The following CSGALNACT1 variants were observed in gnomAD, a reference collection of about 807,000 sequenced individuals.
CSGALNACT1 encodes beta4GalNAcT-1.
A neutral mutation model predicts 51.0 loss-of-function variants in CSGALNACT1; 52 were observed. That is an observed-to-expected ratio of 1.02 (90% CI 0.82 to 1.29). The LOEUF (loss-of-function observed/expected upper bound fraction) is 1.29. Ranked by LOEUF, CSGALNACT1 falls within the 50% of genes most tolerant of loss-of-function variation. The pLI, the probability that CSGALNACT1 is intolerant of heterozygous loss-of-function variation, is 0.00. For missense variants in CSGALNACT1, 935 were observed against 679.2 expected (o/e 1.38, Z -4.19); for synonymous variants, 341 against 254.4 (o/e 1.34, Z -3.24).
chr8:19,588,305 G>A (rs561399890), intron 3 of CSGALNACT1, among the ~76,000 whole-genome samples: 1 of 152,176 alleles, frequency 6.6e-6, no homozygotes, highest in South Asian at 2.1e-4. Flanking sequence ...GTATTCAATT[G>A]GCAATGACAA....
intron 1 of CSGALNACT1, among the ~76,000 whole-genome samples, chr8:19,704,440 A>G (rs1277201285): frequency 6.6e-6 from 1 of 152,252 alleles, no homozygotes; most frequent in African/African-American, 2.4e-5. Flanking sequence ...GTTGTCGAGG[A>G]CTTGGAGAAA....
At chr8:19,682,480 C>T (rs192140590) in exon 1 of CSGALNACT1, 6 of 353,462 alleles carry the variant, frequency 1.7e-5, no homozygotes, top group Non-Finnish European at 2.3e-5. Context: ...CACCCACACA[C>T]GAGATCAAAA....
intron 4 of CSGALNACT1, among the ~76,000 whole-genome samples, chr8:19,478,533 A>C: frequency 6.6e-6 from 1 of 151,856 alleles, no homozygotes; most frequent in Admixed American, 6.6e-5. Flanking sequence ...CGTACAGCCC[A>C]GGTTGCAAAG....
exon 4 of CSGALNACT1, chr8:19,505,687 T>C (rs770097382): frequency 6.2e-7 from 1 of 1,614,156 alleles, no homozygotes; most frequent in Non-Finnish European, 8.5e-7. Flanking sequence ...CCCGTGGGGC[T>C]GTTGGCCCTG....
At position 19,704,820 on chromosome 8, in the gene CSGALNACT1, T is replaced by C. The variant is rs572297107; in HGVS notation, c.-297+53030A>G. Among the ~76,000 whole-genome samples the C allele has an allele frequency of 3.9e-5, 6 of 152,346 alleles. No individual in the cohort carries two copies. The South Asian group carries it at 1.0e-3, about 26-fold the overall frequency. On this transcript the variant is annotated intron_variant, in intron 1 of 1. Transcript: ENST00000517494. Reference sequence around the variant, plus strand: ...ACAAGGATGAACCTGGAGGACATTATGCTAAGTGAAACAACCTAGACATGG... The same window carrying C: ...ACAAGGATGAACCTGGAGGACATTACGCTAAGTGAAACAACCTAGACATGG...
intron 3 of CSGALNACT1, among the ~76,000 whole-genome samples, 191 bp from the exon 3 acceptor site, chr8:19,506,321 C>A (rs1330821335): frequency 6.6e-6 from 1 of 152,114 alleles, no homozygotes; most frequent in South Asian, 2.1e-4. Flanking sequence ...AAATAAGCAA[C>A]AAAGGACAGA....
chr8:19,636,132 T>C (rs961353944), intron 1 of CSGALNACT1, among the ~76,000 whole-genome samples: 7 of 152,028 alleles, frequency 4.6e-5, no homozygotes, highest in African/African-American at 1.7e-4. Flanking sequence ...CAGTTTCCAT[T>C]ACCTCAGGTT....
At chr8:19,508,625 T>G (rs373254473) in intron 3 of CSGALNACT1, among the ~76,000 whole-genome samples, 4 of 152,340 alleles carry the variant, frequency 2.6e-5, no homozygotes, top group South Asian at 4.1e-4. Flanking sequence ...AGTGAAGACA[T>G]GTTATCGTGC....
intron 4 of CSGALNACT1, among the ~76,000 whole-genome samples, chr8:19,491,525 TAA>T (rs1439105581): frequency 6.6e-6 from 1 of 152,248 alleles, no homozygotes; most frequent in African/African-American, 2.4e-5. Context: ...TCATCATTTA[TAA>T]AATTGTGAAA....
At chr8:19,439,182 T>A (rs534133264) in intron 6 of CSGALNACT1, among the ~76,000 whole-genome samples, 1 of 152,318 alleles carries the variant, frequency 6.6e-6, no homozygotes, top group East Asian at 1.9e-4. Flanking sequence ...GGGAAAAAAA[T>A]CCATCTATGC....
intron 1 of CSGALNACT1, among the ~76,000 whole-genome samples, chr8:19,739,748 G>C (rs1022584530): frequency 1.3e-5 from 2 of 152,204 alleles, no homozygotes; most frequent in African/African-American, 4.8e-5. Context: ...TCTATTCCTA[G>C]GATGTGGGAG....
chr8:19,662,342 C>T (rs983479321), intron 1 of CSGALNACT1, among the ~76,000 whole-genome samples: 1 of 152,048 alleles, frequency 6.6e-6, no homozygotes, highest in Admixed American at 6.6e-5. Flanking sequence ...GATCACACCA[C>T]TGCACTCCAG....
At chr8:19,540,878 A>G (rs971047789) in intron 3 of CSGALNACT1, among the ~76,000 whole-genome samples, 9 of 152,142 alleles carry the variant, frequency 5.9e-5, no homozygotes, top group African/African-American at 2.2e-4. Flanking sequence ...AGGATGACTC[A>G]TGTGAGTCTA....
At chr8:19,512,767 C>T (rs752319454) in intron 3 of CSGALNACT1, among the ~76,000 whole-genome samples, 2 of 152,126 alleles carry the variant, frequency 1.3e-5, no homozygotes, top group South Asian at 2.1e-4. Flanking sequence ...CAAAGCCCTC[C>T]GAGATTTTAT....
At chr8:19,411,398 C>A (rs2055697164) in intron 8 of CSGALNACT1, among the ~76,000 whole-genome samples, 1 of 152,200 alleles carries the variant, frequency 6.6e-6, no homozygotes, top group South Asian at 2.1e-4. Context: ...ATCTCCAGCA[C>A]CCAGAACATT....
chr8:19,632,100 A>AATTGATG (rs2055347223), intron 1 of CSGALNACT1, among the ~76,000 whole-genome samples: 1 of 152,238 alleles, frequency 6.6e-6, no homozygotes, highest in African/African-American at 2.4e-5. Flanking sequence ...ATGCTCATTA[A>AATTGATG]CTCTACAAAG....
intron 6 of CSGALNACT1, among the ~76,000 whole-genome samples, chr8:19,421,490 CCTTTTCCTGTCAACGACACCCTT>C (rs2057928044): frequency 6.6e-6 from 1 of 152,146 alleles, no homozygotes; most frequent in Non-Finnish European, 1.5e-5. Flanking sequence ...CTAGCAAATC[CCTTTTCCTGTCAACGACACCCTT>C]CTTTTCCTAA....
intron 1 of CSGALNACT1, chr8:19,678,920 C>G (rs1175470932): frequency 6.6e-6 from 1 of 152,184 alleles, no homozygotes; most frequent in East Asian, 1.9e-4. Context: ...AGTGGTTACT[C>G]ACTAACGGCC....
chr8:19,531,656 C>T (rs1358480914), intron 3 of CSGALNACT1, among the ~76,000 whole-genome samples: 1 of 152,244 alleles, frequency 6.6e-6, no homozygotes, highest in African/African-American at 2.4e-5. Flanking sequence ...GAGCCCTCAA[C>T]ACCTCACCTC....
Sources: gnomAD v4.1 joint callset for allele counts (sites outside exome capture counted in the v4.1 genomes callset) on GRCh38, gnomAD v4.1.1 for gene constraint, MANE v1.5 for transcripts, NCBI Gene and HGNC (gene_info 2026-07-23, HGNC 2026-07-21) for gene names.